The following FNDC1 variants were observed in gnomAD, a reference collection of about 807,000 sequenced individuals.
FNDC1 encodes fibronectin type III domain-containing protein 1.
A neutral mutation model predicts 168.0 loss-of-function variants in FNDC1; 96 were observed. The ratio of observed to expected loss-of-function variants is 0.57; its 90% CI spans 0.48 to 0.68. FNDC1 has a LOEUF of 0.68. Ranked by LOEUF, FNDC1 falls within the 30% of genes least tolerant of loss-of-function variation. The probability of loss-of-function intolerance (pLI) is 0.00; values close to 1 mark genes in which losing one functional copy is unlikely to be tolerated. For synonymous variants in FNDC1, 1,099 were observed against 1,025.9 expected (o/e 1.07, Z -1.36); for missense variants, 2,587 against 2,482.1 (o/e 1.04, Z -0.90).
intron 5 of FNDC1, among the ~76,000 whole-genome samples, chr6:159,217,459 T>C (rs1263574335): frequency 2.0e-5 from 3 of 152,174 alleles, no homozygotes; most frequent in Non-Finnish European, 4.4e-5. Flanking sequence ...CTCTACTTTG[T>C]GTGATGCGGG....
intron 4 of FNDC1, among the ~76,000 whole-genome samples, 170 bp downstream of exon 4, chr6:159,200,751 T>C (rs1263700514): frequency 6.6e-6 from 1 of 152,230 alleles, no homozygotes; most frequent in Non-Finnish European, 1.5e-5. Context: ...TCCAATGAAC[T>C]AGACTGTAAC....
At chr6:159,219,488 T>C (rs1293432242) in intron 5 of FNDC1, among the ~76,000 whole-genome samples, 2 of 152,022 alleles carry the variant, frequency 1.3e-5, no homozygotes, top group African/African-American at 4.8e-5. Flanking sequence ...TCATCTGCAG[T>C]TATTGAGAGC....
At chr6:159,217,113 T>C (rs1424062172) in intron 5 of FNDC1, among the ~76,000 whole-genome samples, 2 of 152,152 alleles carry the variant, frequency 1.3e-5, no homozygotes. Flanking sequence ...ACCTACTTAG[T>C]CTTAAAAGGT....
At chr6:159,184,670 T>A (rs1312136117) in intron 1 of FNDC1, among the ~76,000 whole-genome samples, 4 of 152,144 alleles carry the variant, frequency 2.6e-5, no homozygotes, top group African/African-American at 9.7e-5. Context: ...GGTACAGTAA[T>A]GCCCAAGTGT....
chr6:159,179,657 C>T (rs746455475), intron 1 of FNDC1, among the ~76,000 whole-genome samples: 3 of 152,194 alleles, frequency 2.0e-5, no homozygotes, highest in African/African-American at 7.2e-5. Context: ...ATATATTTTA[C>T]TGGCTTACTT....
At chr6:159,265,390 A>G (rs1777569253) in intron 20 of FNDC1, among the ~76,000 whole-genome samples, 1 of 152,224 alleles carries the variant, frequency 6.6e-6, no homozygotes, top group Admixed American at 6.5e-5. Flanking sequence ...ACTGCAAATC[A>G]GGTCTTCTGA....
chr6:159,263,747 G>A (rs545938784), intron 19 of FNDC1, among the ~76,000 whole-genome samples: 4 of 151,716 alleles, frequency 2.6e-5, no homozygotes, highest in South Asian at 2.1e-4. Flanking sequence ...GGGTGACAGA[G>A]CGAGACTCCA....
chr6:159,173,658 G>A (rs1289083795), intron 1 of FNDC1, among the ~76,000 whole-genome samples: 1 of 152,216 alleles, frequency 6.6e-6, no homozygotes, highest in African/African-American at 2.4e-5. Flanking sequence ...AACAGGAGGG[G>A]AAGGAGAGTG....
At chr6:159,259,949 A>C (rs1777451375) in intron 18 of FNDC1, among the ~76,000 whole-genome samples, 1 of 152,254 alleles carries the variant, frequency 6.6e-6, no homozygotes, top group African/African-American at 2.4e-5. Context: ...AGCAGCTCAG[A>C]AGGCTTGAGG....
chr6:159,230,863 C>T (rs1421256306), intron 10 of FNDC1, among the ~76,000 whole-genome samples: 2 of 152,178 alleles, frequency 1.3e-5, no homozygotes, highest in Non-Finnish European at 1.5e-5. Context: ...ATATAGGTTC[C>T]TCTCCCCTAT....
chr6:159,234,278 C>A lies in FNDC1; in HGVS notation c.3766C>A (p.His1256Asn). 1 of 1,598,400 alleles carries A rather than the reference C, an allele frequency of 6.3e-7. No homozygotes were observed. Among genetic ancestry groups the A allele is most frequent in the Non-Finnish European group, 8.5e-7 (1 of 1,172,614 alleles). Reference protein sequence around the residue: ...PPPGSSPRASHVPSRLPPRSA... With the variant: ...PPPGSSPRASNVPSRLPPRSA... ...TCCAGGCAGCTCCCCCAGGGCCTCCCACGTCCCTTCCCGACTGCCGCCTCG... is the reference window on the plus strand; with the variant it reads ...TCCAGGCAGCTCCCCCAGGGCCTCCAACGTCCCTTCCCGACTGCCGCCTCG... Residue 1256 changes from histidine (H) to asparagine (N), a missense_variant, in exon 11 of 23, where the codon CAC becomes AAC. Physicochemically the swap from His to Asn is moderately conservative, Grantham distance 68 (BLOSUM62 1). Coordinates refer to ENST00000297267, the MANE Select transcript of FNDC1 (RefSeq NM_032532.3).
At chr6:159,228,993 G>T (rs375150) in intron 9 of FNDC1, among the ~76,000 whole-genome samples, 58,424 of 152,108 alleles carry the variant, frequency 0.38, 14,366 homozygotes, top group East Asian at 0.73. Context: ...ATATTAATTT[G>T]ATGTTTTGTA....
At chr6:159,227,629 G>A (rs2245986) in intron 9 of FNDC1, among the ~76,000 whole-genome samples, 56,931 of 146,348 alleles carry the variant, frequency 0.39, 13,985 homozygotes, top group East Asian at 0.73. Context: ...AGAATAGATT[G>A]TACTATTCTT....
chr6:159,236,336 C>G (rs1783259261), intron 12 of FNDC1, 21 bp downstream of exon 12: 1 of 1,522,208 alleles, frequency 6.6e-7, no homozygotes, highest in Admixed American at 1.7e-5. Flanking sequence ...CTTCTTTACA[C>G]ATCCCCGTTG....
intron 2 of FNDC1, among the ~76,000 whole-genome samples, chr6:159,198,411 A>T (rs908026086): frequency 6.6e-6 from 1 of 152,136 alleles, no homozygotes; most frequent in Non-Finnish European, 1.5e-5. Context: ...ACCACAGCTG[A>T]CCACACTTAC....
intron 2 of FNDC1, among the ~76,000 whole-genome samples, chr6:159,198,020 A>G (rs1405049628): frequency 1.3e-5 from 2 of 152,210 alleles, no homozygotes; most frequent in African/African-American, 2.4e-5. Context: ...GGCAAGTCGT[A>G]TGCCCCTGGA....
chr6:159,245,746 T>TAATAG (rs1562306829), intron 14 of FNDC1, among the ~76,000 whole-genome samples: 4 of 18,556 alleles, frequency 2.2e-4, no homozygotes, highest in Admixed American at 5.1e-4. Flanking sequence ...ATGGTAATTT[T>TAATAG]TTTTTTTTTT....
At position 159,174,674 on chromosome 6, in the gene FNDC1, G is replaced by A. The variant is rs902640188; in HGVS notation, c.109+4969G>A. ...AAGGACAGATCACTAATTAAGAGTC[G>A]AAATGGCTGCGTGTTAGCAAATTCA... On this transcript the variant is annotated intron_variant, in intron 1 of 22. Transcript: ENST00000297267. Among the ~76,000 whole-genome samples the A allele has an allele frequency of 1.3e-4, 20 of 152,250 alleles. 1 individual carries two copies. Among genetic ancestry groups the A allele is most frequent in the African/African-American group, 3.9e-4 (16 of 41,462 alleles).
At chr6:159,231,203 AT>A (rs1300757926) in intron 10 of FNDC1, among the ~76,000 whole-genome samples, 1 of 60,826 alleles carries the variant, frequency 1.6e-5, no homozygotes, top group East Asian at 2.5e-4. Context: ...GTGAAACCCC[AT>A]CTCTACTAAA....
Sources: allele counts gnomAD v4.1 joint callset (sites outside exome capture counted in the v4.1 genomes callset), GRCh38; gene constraint gnomAD v4.1.1; transcripts MANE v1.5; gene names NCBI Gene and HGNC (gene_info 2026-07-23, HGNC 2026-07-21).